The following LARS1 variants were observed in gnomAD, a reference collection of about 807,000 sequenced individuals.
LARS1 encodes leucine--tRNA ligase, cytoplasmic.
A neutral mutation model predicts 162.8 loss-of-function variants in LARS1; 100 were observed. That is an observed-to-expected ratio of 0.61 (90% confidence interval 0.52 to 0.73). LARS1 has a LOEUF of 0.73. Ranked by LOEUF, LARS1 falls within the 30% of genes least tolerant of loss-of-function variation. LARS1 has a pLI of 0.00. For synonymous variants in LARS1, 457 were observed against 462.8 expected, an observed-to-expected ratio of 0.99 and a Z score of 0.16; for missense variants, 1,258 against 1,408.9, an observed-to-expected ratio of 0.89 and a Z score of 1.71.
intron 2 of LARS1, among the ~76,000 whole-genome samples, chr5:146,174,507 T>TGTATATATCC (rs1481022413): frequency 1.4e-4 from 9 of 65,138 alleles, no homozygotes; most frequent in African/African-American, 4.1e-4. Context: ...TATCCATATA[T>TGTATATATCC]ATATATATAT....
chr5:146,128,900 T>C, intron 26 of LARS1, 78 bp downstream of exon 26: 1 of 1,459,376 alleles, frequency 6.9e-7, no homozygotes, highest in Non-Finnish European at 9.3e-7. Flanking sequence ...TCTTTTTAAC[T>C]TTCATTATTG....
At chr5:146,132,804 T>TAAAAA in intron 23 of LARS1, 94 bp downstream of exon 23, 4 of 752,524 alleles carry the variant, frequency 5.3e-6, no homozygotes, top group Admixed American at 6.1e-5. Flanking sequence ...TTTATTTTAT[T>TAAAAA]AAAAAAAAAA....
chr5:146,134,395 A>G (rs1561805239), intron 22 of LARS1, among the ~76,000 whole-genome samples: 1 of 152,158 alleles, frequency 6.6e-6, no homozygotes, highest in Non-Finnish European at 1.5e-5. Flanking sequence ...AAACAGACTA[A>G]CTATATTATT....
In LARS1 at chr5:146,150,847, G is replaced by A. The variant is rs530179547; in HGVS notation, c.1425+1015C>T. 5.3e-5 allele frequency among the ~76,000 whole-genome samples: 8 copies of A among 151,754 alleles called. No homozygotes were observed. In the South Asian group the frequency reaches 1.5e-3, roughly 28 times the overall value. The stretch of plus-strand genomic sequence containing the variant: ...CCAGCTACTCAGGAGTCTGAGGCAG[G>A]AGAATCGCTTGAACCCGGAAGTTGG... On this transcript the variant is annotated intron_variant, in intron 14 of 31. Transcript: ENST00000394434.
chr5:146,143,581 C>T, intron 18 of LARS1, 31 bp from the exon 19 acceptor site: 1 of 1,606,222 alleles, frequency 6.2e-7, no homozygotes, highest in Non-Finnish European at 8.5e-7. Context: ...CATGAGGAAC[C>T]TGAGAGACAT....
Position 146,133,046 on chromosome 5 carries a change from C to T in LARS1, c.2248G>A (p.Val750Ile). 1.2e-6 allele frequency: 2 copies of T among 1,613,898 alleles called. No individual in the cohort carries two copies. The highest frequency in any genetic ancestry group is 1.7e-6 in the Non-Finnish European group (2 of 1,179,938). The change falls in exon 23 of 32, where the codon GTA becomes ATA. Residue 750 changes from valine (V) to isoleucine (I), a missense_variant. Val to Ile is a conservative substitution (Grantham distance 29). Coordinates refer to ENST00000394434, the MANE Select transcript of LARS1 (RefSeq NM_020117.11). ...RLALADAGDT[V>I]EDANFVEAMA... ...GCTTCCACAAAGTTGGCATCTTCTA[C>T]AGTGTCACCAGCATCAGCCAGAGCC...
Position 146,153,903 on chromosome 5 carries a change from C to T in LARS1, c.1143G>A (p.Lys381=). The change falls in exon 11 of 32, where the codon AAG becomes AAA. Residue 381 remains lysine (K), a synonymous_variant. Coordinates refer to ENST00000394434, the MANE Select transcript of LARS1 (RefSeq NM_020117.11). ...VIYVLPMLTI[K]EDKGTGVVTS... is the part of the protein sequence containing the mutation. ...AAATAAACTCTTTACCTTTATCCTC[C>T]TTAATAGTTAGCATTGGGAGAACAT... The T allele has an allele frequency of 1.9e-6, 3 of 1,611,588 alleles. No individual in the cohort carries two copies. Among genetic ancestry groups the T allele is most frequent in the Non-Finnish European group, 2.5e-6 (3 of 1,178,270 alleles).
chr5:146,120,088 T>C (rs1321590088), intron 31 of LARS1, among the ~76,000 whole-genome samples: 1 of 152,132 alleles, frequency 6.6e-6, no homozygotes, highest in East Asian at 1.9e-4. Flanking sequence ...CTCATTACAA[T>C]TTTAGAGCTA....
intron 23 of LARS1, chr5:146,131,499 T>G (rs1367559366): frequency 1.6e-4 from 24 of 149,416 alleles, no homozygotes; most frequent in Non-Finnish European, 2.9e-4. Flanking sequence ...TTTTTTTTTT[T>G]TTTTTTTTTT....
At chr5:146,140,902 T>C (rs931781629) in intron 20 of LARS1, among the ~76,000 whole-genome samples, 1 of 152,054 alleles carries the variant, frequency 6.6e-6, no homozygotes, top group Admixed American at 6.6e-5. Flanking sequence ...TATACACATA[T>C]ATACACACAT....
At chr5:146,180,930 C>T (rs1367677604) in intron 1 of LARS1, 3 of 152,222 alleles carry the variant, frequency 2.0e-5, no homozygotes, top group African/African-American at 7.2e-5. Flanking sequence ...GGCTTCTACC[C>T]GGGATCCCTG....
chr5:146,125,041 T>C (rs559146456), intron 28 of LARS1, among the ~76,000 whole-genome samples: 3 of 151,602 alleles, frequency 2.0e-5, no homozygotes, highest in Non-Finnish European at 4.4e-5. Context: ...TATATATATA[T>C]ACATATACAC....
At chr5:146,139,420 A>G (rs1301444981) in intron 21 of LARS1, among the ~76,000 whole-genome samples, 2 of 151,320 alleles carry the variant, frequency 1.3e-5, no homozygotes, top group Admixed American at 6.6e-5. Context: ...GCTCTTTATG[A>G]TTCCTGTCCC....
At chr5:146,164,215 A>C in intron 6 of LARS1, 95 bp downstream of exon 6, 1 of 1,287,752 alleles carries the variant, frequency 7.8e-7, no homozygotes, top group Non-Finnish European at 1.1e-6. Flanking sequence ...TTCAATTGTA[A>C]AAAAAATCCA....
intron 1 of LARS1, 118 bp downstream of exon 1, chr5:146,182,370 C>T (rs1373314836): frequency 2.2e-6 from 3 of 1,374,624 alleles, no homozygotes; most frequent in African/African-American, 2.9e-5. Context: ...AAAGGCACGC[C>T]TTAAGCGTGG....
At position 146,151,898 on chromosome 5, in the gene LARS1, T is replaced by C. The variant is rs761186309; in HGVS notation, c.1389A>G (p.Ala463=). The part of the protein sequence containing the change: ...SQNDREKLAE[A]KEKIYLKGFY... ...ATCCTTTTAGATATATCTTCTCCTT[T>C]GCTTCTGCAAGTTTTTCCCGGTCAT... Residue 463 remains alanine (A), a synonymous_variant, in exon 14 of 32, where the codon GCA becomes GCG. Coordinates refer to ENST00000394434, the MANE Select transcript of LARS1 (RefSeq NM_020117.11). 9.3e-6 allele frequency: 15 copies of C among 1,614,006 alleles called. No homozygotes were observed. The highest frequency in any genetic ancestry group is 8.3e-5 in the Admixed American group (5 of 60,006).
intron 2 of LARS1, among the ~76,000 whole-genome samples, chr5:146,177,137 G>C (rs1754616857): frequency 6.6e-6 from 1 of 152,104 alleles, no homozygotes; most frequent in South Asian, 2.1e-4. Flanking sequence ...GTTCCACCAA[G>C]CTGTTTCTGT....
intron 6 of LARS1, among the ~76,000 whole-genome samples, chr5:146,163,524 A>G (rs980293600): frequency 3.9e-5 from 6 of 152,040 alleles, no homozygotes; most frequent in Admixed American, 3.9e-4. Flanking sequence ...CGTCTCTACT[A>G]AAAATACAAA....
At chr5:146,164,620 T>A in intron 5 of LARS1, 149 bp from the exon 6 acceptor site, 12 of 791,486 alleles carry the variant, frequency 1.5e-5, no homozygotes, top group Non-Finnish European at 2.3e-5. Flanking sequence ...ACTATTAGTC[T>A]GTACTAAAAG....
Sources: gnomAD v4.1 joint callset for allele counts (sites outside exome capture counted in the v4.1 genomes callset) on GRCh38, gnomAD v4.1.1 for gene constraint, MANE v1.5 for transcripts, NCBI Gene and HGNC (gene_info 2026-07-23, HGNC 2026-07-21) for gene names.